The following RAB10 variants were observed in gnomAD, a reference collection of about 807,000 sequenced individuals.
RAB10 encodes ras-related protein Rab-10.
RAB10 carries 5 observed loss-of-function variants against 25.7 expected under a neutral mutation model. The ratio of observed to expected loss-of-function variants is 0.19; its 90% CI spans 0.10 to 0.41. The LOEUF is 0.41. RAB10 is among the 10% of genes least tolerant of loss of function. RAB10 has a pLI of 1.00. For missense variants in RAB10, 103 were observed against 245.8 expected (o/e 0.42, Z 3.89); for synonymous variants, 89 against 86.4 (o/e 1.03, Z -0.16).
chr2:26,069,423 G>A (rs1199534243), intron 1 of RAB10, among the ~76,000 whole-genome samples: 1 of 152,126 alleles, frequency 6.6e-6, no homozygotes, highest in South Asian at 2.1e-4. Flanking sequence ...GCTCACACCT[G>A]TAATCCCAGC....
intron 1 of RAB10, among the ~76,000 whole-genome samples, chr2:26,074,197 T>C (rs1490692125): frequency 8.9e-6 from 1 of 112,170 alleles, no homozygotes; most frequent in African/African-American, 2.6e-5. Context: ...GGTATGGTAG[T>C]GGAGAAAAGA....
At chr2:26,122,285 C>T (rs1667820418) in intron 3 of RAB10, among the ~76,000 whole-genome samples, 1 of 152,142 alleles carries the variant, frequency 6.6e-6, no homozygotes, top group Admixed American at 6.6e-5. Flanking sequence ...ACCTTTTTAT[C>T]TCATGTTGAA....
At chr2:26,110,527 CT>C (rs1667549773) in intron 3 of RAB10, among the ~76,000 whole-genome samples, 1 of 151,906 alleles carries the variant, frequency 6.6e-6, no homozygotes, top group African/African-American at 2.4e-5. Flanking sequence ...TGAATTTTTT[CT>C]TAATAAATTT....
chr2:26,122,160 C>T (rs1021544923), intron 3 of RAB10, among the ~76,000 whole-genome samples: 7 of 152,064 alleles, frequency 4.6e-5, no homozygotes, highest in African/African-American at 1.2e-4. Flanking sequence ...TGTGGTTGCC[C>T]GTTATTTCAA....
intron 5 of RAB10, among the ~76,000 whole-genome samples, chr2:26,134,327 A>G (rs901262448): frequency 3.3e-5 from 5 of 151,934 alleles, no homozygotes; most frequent in Non-Finnish European, 7.4e-5. Flanking sequence ...TGTGTTGCCC[A>G]ACGTGGTTTT....
intron 2 of RAB10, among the ~76,000 whole-genome samples, chr2:26,099,478 C>T (rs1199986615): frequency 2.6e-5 from 4 of 151,852 alleles, no homozygotes; most frequent in East Asian, 1.9e-4. Context: ...ACCCCTGGTC[C>T]CCAGGCAGCC....
At chr2:26,062,728 A>G (rs771643591) in intron 1 of RAB10, among the ~76,000 whole-genome samples, 17 of 152,056 alleles carry the variant, frequency 1.1e-4, no homozygotes, top group South Asian at 2.1e-4. Flanking sequence ...AAACCCTTCA[A>G]ACTGGCTTAA....
intron 3 of RAB10, among the ~76,000 whole-genome samples, chr2:26,121,866 G>C (rs1269000157): frequency 1.3e-5 from 2 of 152,118 alleles, no homozygotes; most frequent in African/African-American, 4.8e-5. Flanking sequence ...TGGTGAGCTC[G>C]TATGTTTCCA....
chr2:26,092,406 CAT>C (rs1667128917), intron 1 of RAB10, among the ~76,000 whole-genome samples: 1 of 151,410 alleles, frequency 6.6e-6, no homozygotes, highest in Non-Finnish European at 1.5e-5. Flanking sequence ...AGAGACAGCA[CAT>C]ATAGGTAACT....
chr2:26,078,950 G>A (rs1191822179), intron 1 of RAB10, among the ~76,000 whole-genome samples: 1 of 152,136 alleles, frequency 6.6e-6, no homozygotes, highest in African/African-American at 2.4e-5. Context: ...AGCACTTTGG[G>A]AGGCCAAGGT....
intron 1 of RAB10, among the ~76,000 whole-genome samples, chr2:26,060,521 C>T (rs1037972806): frequency 1.3e-5 from 2 of 152,118 alleles, no homozygotes; most frequent in Non-Finnish European, 2.9e-5. Context: ...ATCTCCTGAC[C>T]TCGTGATCTG....
Position 26,034,163 on chromosome 2 carries a change from C to A in RAB10, c.-446C>A, listed in dbSNP as rs1369547045. ...GCCGGGGTGGCTCGGTTTCCTGGGGCTATGTAACTGAGCTCGTCGACTTAG... is the reference window on the plus strand; with the variant it reads ...GCCGGGGTGGCTCGGTTTCCTGGGGATATGTAACTGAGCTCGTCGACTTAG... On this transcript the variant is annotated 5_prime_UTR_variant, in exon 1 of 6. Coordinates refer to ENST00000264710, the MANE Select transcript of RAB10 (RefSeq NM_016131.5). The A allele has an allele frequency of 4.9e-6, 2 of 409,664 alleles. No individual in the cohort carries two copies. The highest frequency in any genetic ancestry group is 1.0e-4 in the South Asian group (1 of 9,764). The allele number at this position is 409,664 out of a possible 1,614,324, so 25.4% of individuals were successfully genotyped here.
At chr2:26,035,823 G>C (rs969911067) in intron 1 of RAB10, among the ~76,000 whole-genome samples, 2 of 152,200 alleles carry the variant, frequency 1.3e-5, no homozygotes, top group Non-Finnish European at 2.9e-5. Context: ...GAAACAGTTT[G>C]TATAGCGTAA....
Position 26,048,467 on chromosome 2 carries a change from A to G in RAB10, c.127+13732A>G, listed in dbSNP as rs141080390. On this transcript the variant is annotated intron_variant, in intron 1 of 5. Transcript: ENST00000264710. ...TTAATTTGCATTTTCCTGATTGCCAAAGGTGTTGAAAAGTCCTTTTATGTG... is the reference window on the plus strand; with the variant it reads ...TTAATTTGCATTTTCCTGATTGCCAGAGGTGTTGAAAAGTCCTTTTATGTG... Among the ~76,000 whole-genome samples the G allele has an allele frequency of 7.9e-3, 1,205 of 152,288 alleles. 23 individuals are homozygous for G. Among genetic ancestry groups the G allele is most frequent in the African/African-American group, 0.028 (1,150 of 41,542 alleles).
chr2:26,112,772 AAAG>A (rs935136079), intron 3 of RAB10, among the ~76,000 whole-genome samples: 47 of 152,118 alleles, frequency 3.1e-4, no homozygotes, highest in African/African-American at 1.1e-3. Flanking sequence ...CTGAAAAAGA[AAAG>A]AAGTTATTTA....
intron 2 of RAB10, among the ~76,000 whole-genome samples, chr2:26,100,530 G>A (rs912909999): frequency 3.7e-4 from 56 of 152,144 alleles, no homozygotes; most frequent in African/African-American, 1.2e-3. Flanking sequence ...TTCCTTAATT[G>A]TTAGTACCAC....
At position 26,108,921 on chromosome 2, in the gene RAB10, ATTTATTTT is replaced by A. The variant is rs1210785239; in HGVS notation, c.189-846_189-839del. On this transcript the variant is annotated intron_variant, in intron 2 of 5. Transcript: ENST00000264710. ...TATTTATTTATTTATTTATTTATTT[ATTTATTTT>A]GAGACGGAGTCTCGCTCTGTCACCC... Among the ~76,000 whole-genome samples, 6 of 101,150 alleles carry A rather than the reference ATTTATTTT, an allele frequency of 5.9e-5. No homozygotes were observed. In the East Asian group the frequency reaches 6.0e-4, roughly 10 times the overall value. The allele number at this position is 101,150 out of a possible 152,430, so 66.4% of individuals were successfully genotyped here.
At chr2:26,085,420 CA>C (rs1465597417) in intron 1 of RAB10, among the ~76,000 whole-genome samples, 4 of 147,830 alleles carry the variant, frequency 2.7e-5, no homozygotes, top group African/African-American at 1.0e-4. Context: ...ATCTGGGAGG[CA>C]GAGGTTGTGA....
At position 26,127,948 on chromosome 2, in the gene RAB10, A is replaced by G; in HGVS notation, c.516A>G (p.Arg172=). Residue 172 remains arginine, a synonymous_variant, in exon 5 of 6, where the codon CGA becomes CGG. Coordinates refer to ENST00000264710, the MANE Select transcript of RAB10 (RefSeq NM_016131.5). ...TCACGTTAGCTGAAGATATCCTTCG[A>G]AAGGTAAGTTCCTGTTTTTATATCC... ...AFLTLAEDIL[R]KTPVKEPNSE... The G allele has an allele frequency of 6.3e-7, 1 of 1,588,470 alleles. No homozygotes were observed. The highest frequency in any genetic ancestry group is 8.6e-7 in the Non-Finnish European group (1 of 1,156,606).
Sources: allele counts gnomAD v4.1 joint callset (sites outside exome capture counted in the v4.1 genomes callset), GRCh38; gene constraint gnomAD v4.1.1; transcripts MANE v1.5; gene names NCBI Gene and HGNC (gene_info 2026-07-23, HGNC 2026-07-21).